Variants in MBOAT2 observed in about 807,000 individuals in gnomAD.
The protein encoded by MBOAT2 is membrane bound glycerophospholipid O-acyltransferase 2, also known as membrane-bound glycerophospholipid O-acyltransferase 2.
In MBOAT2, 28 loss-of-function variants were observed where a neutral mutation model predicts 63.4. The ratio of observed to expected loss-of-function variants is 0.44; its 90% CI spans 0.33 to 0.61. The LOEUF (loss-of-function observed/expected upper bound fraction) is 0.61, where lower values mean the gene tolerates loss of function less well. MBOAT2 is among the 20% of genes least tolerant of loss of function. The probability of loss-of-function intolerance (pLI) is 0.03; values close to 1 mark genes in which losing one functional copy is unlikely to be tolerated. For synonymous variants in MBOAT2, 211 were observed against 215.6 expected (o/e 0.98, Z 0.19); for missense variants, 470 against 605.8 (o/e 0.78, Z 2.35).
chr2:8,998,162 A>T (rs1320011936), intron 1 of MBOAT2, among the ~76,000 whole-genome samples: 2 of 152,232 alleles, frequency 1.3e-5, no homozygotes, highest in East Asian at 3.8e-4. Context: ...GTATAGTAAC[A>T]TATCTAAAAC....
At chr2:8,876,887 C>T in intron 7 of MBOAT2, 143 bp downstream of exon 7, 1 of 718,410 alleles carries the variant, frequency 1.4e-6, no homozygotes, top group South Asian at 2.2e-5. Flanking sequence ...GTACTTCTAC[C>T]AGGTGCAGTG....
At chr2:8,912,294 G>GA (rs1665767162) in intron 3 of MBOAT2, among the ~76,000 whole-genome samples, 2 of 106,182 alleles carry the variant, frequency 1.9e-5, no homozygotes, top group South Asian at 6.8e-4. Context: ...AGAAGGAAAA[G>GA]AAAGAAAAGA....
At chr2:8,987,797 A>C (rs1012705553) in intron 1 of MBOAT2, among the ~76,000 whole-genome samples, 2 of 152,164 alleles carry the variant, frequency 1.3e-5, no homozygotes, top group African/African-American at 4.8e-5. Flanking sequence ...GTATGAGCCC[A>C]ATTTTGTTTG....
In MBOAT2 at chr2:8,896,888, G is replaced by A. The variant is rs189864865; in HGVS notation, c.396-8815C>T. On this transcript the variant is annotated intron_variant, in intron 4 of 12. Coordinates refer to ENST00000305997, the MANE Select transcript of MBOAT2 (RefSeq NM_138799.4). ...CCTATGCCTGATGGGACCTTTGTAT[G>A]ATAATTAAGATTTAGATCCCGTTAG... is the stretch of plus-strand genomic sequence containing the variant. Among the ~76,000 whole-genome samples the A allele has an allele frequency of 2.0e-5, 3 of 151,066 alleles. No homozygotes were observed. In the East Asian group the frequency reaches 5.8e-4, roughly 29 times the overall value.
chr2:8,868,595 A>T (rs766236378), intron 8 of MBOAT2, 46 bp from the exon 9 acceptor site: 20 of 1,421,568 alleles, frequency 1.4e-5, no homozygotes, highest in Admixed American at 1.8e-5. Context: ...TCTCCATAAC[A>T]ATTTACCATA....
At chr2:8,957,816 TG>T (rs1305073837) in intron 2 of MBOAT2, among the ~76,000 whole-genome samples, 3 of 152,184 alleles carry the variant, frequency 2.0e-5, no homozygotes, top group African/African-American at 7.2e-5. Context: ...TCTGCTGTTT[TG>T]CCAAGACAAT....
rs568771636 is a variant in MBOAT2 at position 8,902,945 on chromosome 2, T to C, written c.395+5676A>G. Among the ~76,000 whole-genome samples, 3 of 152,338 alleles carry C rather than the reference T, an allele frequency of 2.0e-5. No homozygotes were observed. The East Asian group carries it at 5.8e-4, about 29-fold the overall frequency. On this transcript the variant is annotated intron_variant, in intron 4 of 12. Transcript: ENST00000305997. ...CCACATCCTGCTGATTGGTCAATTT[T>C]ACAGAGTGCTGACTGGTCCATTTTA...
At chr2:8,936,786 CA>C (rs745694357) in intron 3 of MBOAT2, among the ~76,000 whole-genome samples, 89 of 56,368 alleles carry the variant, frequency 1.6e-3, no homozygotes, top group Middle Eastern at 0.011. Flanking sequence ...GACTCCGTCT[CA>C]AAAAAAAAAA....
chr2:8,939,757 G>C (rs1202222435), intron 3 of MBOAT2, among the ~76,000 whole-genome samples: 1 of 152,056 alleles, frequency 6.6e-6, no homozygotes, highest in African/African-American at 2.4e-5. Flanking sequence ...TACACACACA[G>C]AATAAACTCT....
At chr2:8,969,886 TACAA>T (rs1670316097) in intron 1 of MBOAT2, among the ~76,000 whole-genome samples, 1 of 152,290 alleles carries the variant, frequency 6.6e-6, no homozygotes, top group South Asian at 2.1e-4. Flanking sequence ...CTTAGAGACC[TACAA>T]ACAGACTTAG....
intron 1 of MBOAT2, among the ~76,000 whole-genome samples, chr2:8,995,795 G>T (rs767338437): frequency 8.5e-5 from 13 of 152,178 alleles, no homozygotes; most frequent in South Asian, 4.1e-4. Context: ...GTTTCACCGT[G>T]TTAGCCAGAA....
chr2:8,860,849 G>A, intron 11 of MBOAT2, 85 bp from the exon 12 acceptor site: 1 of 1,088,656 alleles, frequency 9.2e-7, no homozygotes, highest in Non-Finnish European at 1.3e-6. Flanking sequence ...ACTGTTGGAA[G>A]GATGTGGAGT....
chr2:8,861,387 G>A (rs1000074274), intron 11 of MBOAT2, among the ~76,000 whole-genome samples: 3 of 152,148 alleles, frequency 2.0e-5, no homozygotes, highest in African/African-American at 7.2e-5. Flanking sequence ...CACCAGGTAG[G>A]GAAGAAGCCT....
At chr2:8,912,379 GAAAGAAAGAA>G (rs1573031851) in intron 3 of MBOAT2, among the ~76,000 whole-genome samples, 8 of 110,166 alleles carry the variant, frequency 7.3e-5, no homozygotes, top group African/African-American at 2.5e-4. Flanking sequence ...GAAAGAGAAA[GAAAGAAAGAA>G]AGAAAGAAAG....
At chr2:8,877,281 T>C (rs930734023) in intron 6 of MBOAT2, 68 bp from the exon 7 acceptor site, 15 of 1,392,996 alleles carry the variant, frequency 1.1e-5, no homozygotes, top group Non-Finnish European at 1.3e-5. Context: ...AGAATAACGA[T>C]CCACCTCACT....
chr2:8,859,826 T>C (rs778687805), intron 12 of MBOAT2, among the ~76,000 whole-genome samples: 5 of 152,268 alleles, frequency 3.3e-5, no homozygotes, highest in African/African-American at 7.2e-5. Flanking sequence ...TTCTATAATA[T>C]ACAGATCACC....
chr2:8,938,171 A>C (rs1357637318), intron 3 of MBOAT2, among the ~76,000 whole-genome samples: 2 of 152,212 alleles, frequency 1.3e-5, no homozygotes, highest in African/African-American at 4.8e-5. Context: ...AATGCTAGAT[A>C]AAAGAGAAAT....
At position 8,854,319 on chromosome 2, in the gene MBOAT2, A is replaced by C. The variant is rs938573411; in HGVS notation, c.*4360T>G. ...GAAAACAGAAATTTCAGCATCTAAG[A>C]TGAGTGTATCAACGACCAGCCACTC... is the stretch of plus-strand genomic sequence containing the variant. On this transcript the variant is annotated 3_prime_UTR_variant, in exon 13 of 13. Transcript: ENST00000305997. The C allele has an allele frequency of 1.3e-5, 2 of 152,236 alleles. No homozygotes were observed. Among genetic ancestry groups the C allele is most frequent in the African/African-American group, 4.8e-5 (2 of 41,456 alleles). The allele number at this position is 152,236 out of a possible 1,614,324, so 9.4% of individuals were successfully genotyped here.
rs1662759863 is a variant in MBOAT2, at chr2:8,877,201, G to A, written c.519C>T (p.Ser173=). Residue 173 remains serine (S), a synonymous_variant, in exon 7 of 13, where the codon AGC becomes AGT. Coordinates refer to ENST00000305997, the MANE Select transcript of MBOAT2 (RefSeq NM_138799.4). ...AGTTGTAACTCAAATACTCCAGTAAGCTTGGCATGCGCCTGCAATGAAAAG... is the reference window on the plus strand; with the variant it reads ...AGTTGTAACTCAAATACTCCAGTAAACTTGGCATGCGCCTGCAATGAAAAG... ...QRDLAVRRMP[S]LLEYLSYNCN... is the part of the protein sequence containing the mutation. 1.2e-6 allele frequency: 2 copies of A among 1,610,982 alleles called. No individual in the cohort carries two copies. The highest frequency in any genetic ancestry group is 1.3e-5 in the African/African-American group (1 of 74,748).
Sources: allele counts gnomAD v4.1 joint callset (sites outside exome capture counted in the v4.1 genomes callset), GRCh38; gene constraint gnomAD v4.1.1; transcripts MANE v1.5; gene names NCBI Gene and HGNC (gene_info 2026-07-23, HGNC 2026-07-21).